Variants in CCDC30 observed in about 807,000 individuals in gnomAD.
CCDC30 encodes the protein coiled-coil domain containing 30, also known as coiled-coil domain-containing protein 30.
In CCDC30, 70 loss-of-function variants were observed where a neutral mutation model predicts 100.2. That is an observed-to-expected ratio of 0.70 (90% CI 0.58 to 0.85). The LOEUF (loss-of-function observed/expected upper bound fraction) is 0.85. CCDC30 is among the 40% of genes least tolerant of loss of function. The pLI is 0.00. For missense variants in CCDC30, 652 were observed against 771.2 expected (o/e 0.85, Z 1.83); for synonymous variants, 233 against 269.5 (o/e 0.86, Z 1.33).
chr1:42,577,812 T>C (rs1301747163), intron 8 of CCDC30, among the ~76,000 whole-genome samples: 6 of 151,970 alleles, frequency 3.9e-5, no homozygotes, highest in Non-Finnish European at 7.4e-5. Context: ...GGCTAATTTT[T>C]TGTATTTTTA....
intron 7 of CCDC30, among the ~76,000 whole-genome samples, chr1:42,575,795 TG>T (rs1209739746): frequency 6.6e-6 from 1 of 152,012 alleles, no homozygotes; most frequent in Non-Finnish European, 1.5e-5. Flanking sequence ...TGTGGTACAG[TG>T]ATGAGTAAGG....
At chr1:42,485,892 A>C (rs948764369) in intron 3 of CCDC30, among the ~76,000 whole-genome samples, 1 of 152,192 alleles carries the variant, frequency 6.6e-6, no homozygotes, top group African/African-American at 2.4e-5. Flanking sequence ...ACGATGTTCG[A>C]TACCATTAGT....
chr1:42,485,297 G>T (rs1644032271), intron 3 of CCDC30, among the ~76,000 whole-genome samples: 1 of 151,966 alleles, frequency 6.6e-6, no homozygotes, highest in Non-Finnish European at 1.5e-5. Context: ...GACACCAAAA[G>T]CAAAAATGAT....
intron 11 of CCDC30, among the ~76,000 whole-genome samples, chr1:42,617,361 T>G (rs1439687279): frequency 6.6e-6 from 1 of 152,172 alleles, no homozygotes; most frequent in East Asian, 1.9e-4. Flanking sequence ...GCATGAGAAG[T>G]TAGAGACTTG....
At chr1:42,605,970 A>T (rs891878600) in intron 10 of CCDC30, among the ~76,000 whole-genome samples, 3 of 152,308 alleles carry the variant, frequency 2.0e-5, no homozygotes, top group South Asian at 2.1e-4. Flanking sequence ...GCCAGAATTT[A>T]AAAAAACTTG....
At chr1:42,586,955 C>T (rs1646083150) in intron 9 of CCDC30, among the ~76,000 whole-genome samples, 1 of 152,058 alleles carries the variant, frequency 6.6e-6, no homozygotes, top group African/African-American at 2.4e-5. Flanking sequence ...ATTAACTTCT[C>T]GCATATTCTT....
At chr1:42,456,644 G>A in the CCDC30 span, 1 of 1,578,014 alleles carries the variant, frequency 6.3e-7, no homozygotes, top group South Asian at 1.2e-5. Flanking sequence ...GGCTCGCTTC[G>A]CGGCCAGGCT....
At chr1:42,481,193 A>G (rs1240233777) in intron 2 of CCDC30, among the ~76,000 whole-genome samples, 4 of 152,122 alleles carry the variant, frequency 2.6e-5, no homozygotes, top group Non-Finnish European at 4.4e-5. Flanking sequence ...AAATTTGAGG[A>G]GGAAAAAATC....
intron 10 of CCDC30, among the ~76,000 whole-genome samples, chr1:42,606,459 G>C (rs556773485): frequency 6.6e-6 from 1 of 152,070 alleles, no homozygotes; most frequent in Non-Finnish European, 1.5e-5. Context: ...TGTACTTTTA[G>C]TAGAGGTGAG....
chr1:42,622,619 T>C (rs546851347), intron 11 of CCDC30, among the ~76,000 whole-genome samples: 1 of 152,028 alleles, frequency 6.6e-6, no homozygotes, highest in African/African-American at 2.4e-5. Flanking sequence ...GGCGTACTTA[T>C]GCACCACCGC....
Position 42,597,632 on chromosome 1 carries a change from CA to C in CCDC30, c.1164+8160del, listed in dbSNP as rs58717290. On this transcript the variant is annotated intron_variant, in intron 10 of 16. Transcript: ENST00000668663. ...GCAACATGGTGAAACCCCATCCCTA[CA>C]AAAAAAAAAAGTTTTTTAATTAGCT... Among the ~76,000 whole-genome samples the C allele has an allele frequency of 6.1e-4, 90 of 146,720 alleles. No homozygotes were observed. The Middle Eastern group carries it at 0.014, about 23-fold the overall frequency.
chr1:42,504,139 G>A (rs946416401), intron 6 of CCDC30, among the ~76,000 whole-genome samples: 2 of 152,274 alleles, frequency 1.3e-5, no homozygotes, highest in African/African-American at 2.4e-5. Flanking sequence ...TGCAGCAGGA[G>A]CATGTCCTTA....
At chr1:42,546,525 C>T (rs1364340260) in intron 6 of CCDC30, among the ~76,000 whole-genome samples, 1 of 146,182 alleles carries the variant, frequency 6.8e-6, no homozygotes, top group Non-Finnish European at 1.5e-5. Context: ...TTATAACAAC[C>T]CTTAATTCTC....
chr1:42,468,462 C>T (rs1230053546), intron 1 of CCDC30, among the ~76,000 whole-genome samples: 2 of 152,346 alleles, frequency 1.3e-5, no homozygotes, highest in East Asian at 1.9e-4. Flanking sequence ...ATTCCATTTA[C>T]ACCCATTGGT....
intron 10 of CCDC30, chr1:42,593,898 A>T (rs1646235473): frequency 6.6e-6 from 1 of 152,146 alleles, no homozygotes; most frequent in South Asian, 2.1e-4. Flanking sequence ...AGTCTGGAAA[A>T]TGCAGTTTTC....
chr1:42,585,387 A>G (rs910117302), intron 9 of CCDC30, among the ~76,000 whole-genome samples: 3 of 152,152 alleles, frequency 2.0e-5, no homozygotes, highest in African/African-American at 7.2e-5. Flanking sequence ...GATGTGAGCC[A>G]TTGTGCCTGG....
intron 6 of CCDC30, among the ~76,000 whole-genome samples, chr1:42,503,686 C>T (rs968879739): frequency 6.6e-6 from 1 of 152,200 alleles, no homozygotes; most frequent in Non-Finnish European, 1.5e-5. Context: ...GCTTATTTGT[C>T]TATGTCTGCA....
At chr1:42,473,898 A>G (rs1225599402) in intron 1 of CCDC30, among the ~76,000 whole-genome samples, 2 of 152,168 alleles carry the variant, frequency 1.3e-5, no homozygotes, top group Non-Finnish European at 2.9e-5. Context: ...AGGGCTATCT[A>G]TATCTACCCT....
intron 6 of CCDC30, among the ~76,000 whole-genome samples, chr1:42,548,529 A>T (rs1315309840): frequency 3.9e-5 from 6 of 152,280 alleles, no homozygotes; most frequent in African/African-American, 1.4e-4. Flanking sequence ...AGAAAAATAG[A>T]CAAGGAATTG....
Sources: gnomAD v4.1 joint callset for allele counts (sites outside exome capture counted in the v4.1 genomes callset) on GRCh38, gnomAD v4.1.1 for gene constraint, MANE v1.5 for transcripts, NCBI Gene and HGNC (gene_info 2026-07-23, HGNC 2026-07-21) for gene names.